The following INPP4B variants were observed in gnomAD, a reference collection of about 807,000 sequenced individuals.
The protein encoded by INPP4B is inositol polyphosphate-4-phosphatase type II B.
In INPP4B, 55 loss-of-function variants were observed where a neutral mutation model predicts 122.5. That is an observed-to-expected ratio of 0.45 (90% confidence interval 0.36 to 0.56). INPP4B has a LOEUF of 0.56. Among genes scored for constraint, INPP4B ranks in the 20% least tolerant of loss-of-function variants. The pLI is 0.00. For missense variants in INPP4B, 1,000 were observed against 1,097.7 expected, an observed-to-expected ratio of 0.91 and a Z score of 1.26; for synonymous variants, 403 against 388.7, an observed-to-expected ratio of 1.04 and a Z score of -0.43.
rs562535344 is a variant in INPP4B at position 142,308,016 on chromosome 4, C to T, written c.424-2479G>A. 5.3e-5 allele frequency among the ~76,000 whole-genome samples: 8 copies of T among 152,284 alleles called. No individual in the cohort carries two copies. The South Asian group carries it at 1.5e-3, about 28-fold the overall frequency. ...ATGGACTCACCATAAGGCACAGCTG[C>T]AAGTAAAATTTATGACCGCAAGTCA... On this transcript the variant is annotated intron_variant, in intron 8 of 25. Coordinates refer to ENST00000262992, the MANE Select transcript of INPP4B (RefSeq NM_001101669.3).
intron 21 of INPP4B, 29 bp downstream of exon 21, chr4:142,122,099 C>T: frequency 7.1e-7 from 1 of 1,411,622 alleles, no homozygotes; most frequent in East Asian, 2.3e-5. Context: ...CTAACAAAGC[C>T]TGGTCTTCAG....
At chr4:142,381,576 T>C (rs972856717) in intron 7 of INPP4B, among the ~76,000 whole-genome samples, 1 of 152,100 alleles carries the variant, frequency 6.6e-6, no homozygotes, top group African/African-American at 2.4e-5. Flanking sequence ...TAAATTACCA[T>C]ATATGTCTTT....
In INPP4B at chr4:142,027,179, T is replaced by G. The variant is rs1030918541; in HGVS notation, c.*1603A>C. On this transcript the variant is annotated 3_prime_UTR_variant, in exon 26 of 26. Coordinates refer to ENST00000262992, the MANE Select transcript of INPP4B (RefSeq NM_001101669.3). ...AGTTTGGTACCTGCCTCAAGTATAA[T>G]GCCCACAGGTAATTAGCTAAAATAA... is the stretch of plus-strand genomic sequence containing the variant. 1 of 152,190 alleles carries G rather than the reference T, an allele frequency of 6.6e-6. No homozygotes were observed. The highest frequency in any genetic ancestry group is 1.5e-5 in the Non-Finnish European group (1 of 68,032). 9.4% of individuals were successfully genotyped at this position (152,190 alleles called of 1,614,324 possible).
chr4:142,141,541 T>C (rs899272426), intron 18 of INPP4B, among the ~76,000 whole-genome samples: 1 of 152,138 alleles, frequency 6.6e-6, no homozygotes, highest in African/African-American at 2.4e-5. Context: ...TTTGGAATAG[T>C]TATTCTATTA....
At chr4:142,438,788 T>A (rs1811086069) in intron 3 of INPP4B, among the ~76,000 whole-genome samples, 1 of 152,134 alleles carries the variant, frequency 6.6e-6, no homozygotes, top group African/African-American at 2.4e-5. Context: ...GAGAAAATTT[T>A]TGCAATCTAC....
At chr4:142,128,811 C>A (rs1320005409) in intron 18 of INPP4B, among the ~76,000 whole-genome samples, 3 of 152,136 alleles carry the variant, frequency 2.0e-5, no homozygotes, top group Admixed American at 2.0e-4. Flanking sequence ...CATCTATTTC[C>A]TGTGCAGGAT....
chr4:142,065,940 T>C (rs1329473155), intron 25 of INPP4B, among the ~76,000 whole-genome samples: 1 of 152,194 alleles, frequency 6.6e-6, no homozygotes, highest in Non-Finnish European at 1.5e-5. Context: ...GGAACCTTCA[T>C]GTGTTCAGCT....
chr4:142,126,259 G>T (rs1400153251), intron 18 of INPP4B, among the ~76,000 whole-genome samples: 2 of 152,098 alleles, frequency 1.3e-5, no homozygotes, highest in Non-Finnish European at 2.9e-5. Context: ...GAACTGAAAT[G>T]ATATGATCTC....
intron 2 of INPP4B, among the ~76,000 whole-genome samples, chr4:142,568,129 C>T (rs1732037078): frequency 7.0e-6 from 1 of 143,452 alleles, no homozygotes; most frequent in Non-Finnish European, 1.5e-5. Flanking sequence ...ATTATTCTTT[C>T]CCCTTTTCCT....
At chr4:142,146,747 A>G (rs942853634) in intron 17 of INPP4B, among the ~76,000 whole-genome samples, 2 of 152,162 alleles carry the variant, frequency 1.3e-5, no homozygotes, top group African/African-American at 4.8e-5. Flanking sequence ...AAATTTTGAC[A>G]AATTGCTCAG....
chr4:142,604,639 AT>A (rs1056433635), intron 2 of INPP4B, among the ~76,000 whole-genome samples: 10 of 152,120 alleles, frequency 6.6e-5, no homozygotes, highest in African/African-American at 2.4e-4. Flanking sequence ...CTACAAAAAA[AT>A]ACTTGAAAAT....
At chr4:142,686,909 G>C (rs552739039) in intron 2 of INPP4B, among the ~76,000 whole-genome samples, 20 of 152,168 alleles carry the variant, frequency 1.3e-4, no homozygotes, top group African/African-American at 4.6e-4. Context: ...TCATTTCACT[G>C]GAGATAGGGG....
chr4:142,796,400 A>C (rs1025467808), intron 1 of INPP4B, among the ~76,000 whole-genome samples: 1 of 151,954 alleles, frequency 6.6e-6, no homozygotes, highest in Non-Finnish European at 1.5e-5. Context: ...ACAGGGAGAA[A>C]GTTGCTGGAA....
chr4:142,798,076 C>A lies in INPP4B; in HGVS notation c.-254+48133G>T, dbSNP rs188381125. Among the ~76,000 whole-genome samples the A allele has an allele frequency of 1.1e-3, 163 of 151,956 alleles. 1 individual carries two copies. The highest frequency in any genetic ancestry group is 1.8e-3 in the Admixed American group (28 of 15,228). ...GAAAAATCTCAAATCACAAAAATTA[C>A]ATAGATTCTAATCAATATAACAAAA... On this transcript the variant is annotated intron_variant, in intron 1 of 25. Transcript: ENST00000262992.
intron 2 of INPP4B, among the ~76,000 whole-genome samples, chr4:142,664,775 G>A (rs933536760): frequency 2.0e-5 from 3 of 152,164 alleles, no homozygotes; most frequent in Non-Finnish European, 4.4e-5. Context: ...GATGTCTAAA[G>A]TAAGAAATTA....
At chr4:142,460,873 C>G (rs751979548) in intron 3 of INPP4B, among the ~76,000 whole-genome samples, 1 of 152,062 alleles carries the variant, frequency 6.6e-6, no homozygotes. Context: ...AAAATCTCCA[C>G]ATTTTATATC....
At chr4:142,295,628 T>A (rs1212220501) in intron 9 of INPP4B, among the ~76,000 whole-genome samples, 1 of 152,186 alleles carries the variant, frequency 6.6e-6, no homozygotes, top group Non-Finnish European at 1.5e-5. Context: ...TGCATTCAAA[T>A]TAATTTAAGA....
chr4:142,576,637 A>G (rs1355378117), intron 2 of INPP4B, among the ~76,000 whole-genome samples: 1 of 152,030 alleles, frequency 6.6e-6, no homozygotes, highest in Non-Finnish European at 1.5e-5. Flanking sequence ...AGTCATTTAT[A>G]AGGCCCTTTC....
intron 1 of INPP4B, among the ~76,000 whole-genome samples, chr4:142,740,418 A>C (rs1459431023): frequency 6.6e-6 from 1 of 152,068 alleles, no homozygotes; most frequent in Non-Finnish European, 1.5e-5. Context: ...AGAAATGCTT[A>C]ATAAAACACA....
Sources: gnomAD v4.1 joint callset for allele counts (sites outside exome capture counted in the v4.1 genomes callset) on GRCh38, gnomAD v4.1.1 for gene constraint, MANE v1.5 for transcripts, NCBI Gene and HGNC (gene_info 2026-07-23, HGNC 2026-07-21) for gene names.